The following SUMF1 variants were observed in gnomAD, a reference collection of about 807,000 sequenced individuals.
SUMF1 encodes the protein formylglycine-generating enzyme.
SUMF1 carries 48 observed loss-of-function variants against 47.6 expected under a neutral mutation model. That is an observed-to-expected ratio of 1.01 (90% confidence interval 0.80 to 1.28). The LOEUF is 1.28. Among genes scored for constraint, SUMF1 ranks in the 50% most tolerant of loss-of-function variants. SUMF1 has a pLI of 0.00. For missense variants in SUMF1, 571 were observed against 485.4 expected, an observed-to-expected ratio of 1.18 and a Z score of -1.66; for synonymous variants, 230 against 192.1, an observed-to-expected ratio of 1.20 and a Z score of -1.63.
At chr3:4,092,731 G>T (rs757596588) in intron 8 of SUMF1, among the ~76,000 whole-genome samples, 3 of 152,062 alleles carry the variant, frequency 2.0e-5, no homozygotes, top group African/African-American at 7.3e-5. Context: ...GGGTGGAGTA[G>T]TGTGTCATTT....
intron 8 of SUMF1, among the ~76,000 whole-genome samples, chr3:4,073,359 T>A (rs932094270): frequency 6.6e-6 from 1 of 152,124 alleles, no homozygotes; most frequent in African/African-American, 2.4e-5. Context: ...AAGGAATAAC[T>A]GGTACCAGCC....
chr3:4,444,522 T>C (rs1702713802), intron 3 of SUMF1, among the ~76,000 whole-genome samples: 1 of 152,214 alleles, frequency 6.6e-6, no homozygotes, highest in South Asian at 2.1e-4. Context: ...TATAAATGTT[T>C]GGGAGTTTTA....
At chr3:4,280,820 T>TGC (rs1697513638) in intron 8 of SUMF1, among the ~76,000 whole-genome samples, 2 of 13,862 alleles carry the variant, frequency 1.4e-4, no homozygotes, top group Non-Finnish European at 2.9e-4. Flanking sequence ...TCACCGTGTG[T>TGC]GTGTGTGTGT....
chr3:4,156,823 C>T (rs1416122990), intron 8 of SUMF1, among the ~76,000 whole-genome samples: 1 of 151,704 alleles, frequency 6.6e-6, no homozygotes, highest in East Asian at 1.9e-4. Context: ...GAGTGTATCT[C>T]AGTGAATATT....
At chr3:4,390,850 C>T (rs1007473526) in intron 7 of SUMF1, among the ~76,000 whole-genome samples, 1 of 152,168 alleles carries the variant, frequency 6.6e-6, no homozygotes, top group Non-Finnish European at 1.5e-5. Flanking sequence ...CTGAGGTCTT[C>T]AGCCACTCTG....
chr3:4,234,616 T>C (rs999513606), intron 8 of SUMF1, among the ~76,000 whole-genome samples: 1 of 152,146 alleles, frequency 6.6e-6, no homozygotes, highest in Admixed American at 6.5e-5. Context: ...GCATGATATA[T>C]GCTCCAAAAG....
At chr3:4,254,393 A>C (rs560074748) in intron 8 of SUMF1, among the ~76,000 whole-genome samples, 1 of 151,148 alleles carries the variant, frequency 6.6e-6, no homozygotes, top group South Asian at 2.1e-4. Context: ...GTATAACTAG[A>C]ATAACCAATA....
intron 8 of SUMF1, among the ~76,000 whole-genome samples, chr3:4,328,730 A>C (rs1416251619): frequency 2.6e-5 from 4 of 152,172 alleles, no homozygotes; most frequent in Admixed American, 2.6e-4. Context: ...TCACATTTCA[A>C]AACCAGTCAT....
At chr3:4,344,669 C>T (rs1284277130) in intron 8 of SUMF1, among the ~76,000 whole-genome samples, 1 of 152,042 alleles carries the variant, frequency 6.6e-6, no homozygotes, top group Non-Finnish European at 1.5e-5. Context: ...GGGCGCAGAA[C>T]TGAATGGAGG....
rs1702657072 is a variant in SUMF1, at chr3:4,443,004, G to T, written c.519+6262C>A. 3.3e-5 allele frequency among the ~76,000 whole-genome samples: 5 copies of T among 151,970 alleles called. No individual in the cohort carries two copies. In the South Asian group the frequency reaches 1.0e-3, roughly 32 times the overall value. ...TTTTAAAATGAGGTAGGCCGGGCAT[G>T]GTGGCTCATGTCTGTAATCCTAGCA... On this transcript the variant is annotated intron_variant, in intron 3 of 8. Transcript: ENST00000272902.
intron 8 of SUMF1, among the ~76,000 whole-genome samples, chr3:4,337,016 C>T (rs1298430654): frequency 6.6e-6 from 1 of 152,196 alleles, no homozygotes; most frequent in African/African-American, 2.4e-5. Flanking sequence ...TGCTCTTACC[C>T]TTGCCTTCTT....
chr3:4,344,712 A>G (rs1033849286), intron 8 of SUMF1, among the ~76,000 whole-genome samples: 25 of 152,156 alleles, frequency 1.6e-4, no homozygotes, highest in South Asian at 6.2e-4. Flanking sequence ...AGGCTTCAAA[A>G]GATGGGTAAT....
At chr3:4,121,386 A>T (rs868356910) in intron 8 of SUMF1, among the ~76,000 whole-genome samples, 12 of 152,158 alleles carry the variant, frequency 7.9e-5, no homozygotes, top group Admixed American at 7.2e-4. Flanking sequence ...CTTGGATCTC[A>T]CTTCATCTTC....
chr3:4,380,825 C>T (rs1700480716), intron 7 of SUMF1, among the ~76,000 whole-genome samples: 1 of 152,142 alleles, frequency 6.6e-6, no homozygotes, highest in Non-Finnish European at 1.5e-5. Context: ...AGCTAAAGTT[C>T]TCGGGAAAAG....
At chr3:4,358,349 A>G (rs543944692), downstream of SUMF1, among the ~76,000 whole-genome samples, 2 of 141,498 alleles carry the variant, frequency 1.4e-5, no homozygotes, top group African/African-American at 2.9e-5. Context: ...CTCTAGATGT[A>G]AGAGTTCCTA....
intron 8 of SUMF1, among the ~76,000 whole-genome samples, chr3:4,350,174 T>A (rs777009704): frequency 6.6e-6 from 1 of 151,838 alleles, no homozygotes; most frequent in Non-Finnish European, 1.5e-5. Context: ...CTAATTTTTG[T>A]ATTTTTTTTA....
intron 8 of SUMF1, among the ~76,000 whole-genome samples, chr3:4,251,191 G>A (rs532149220): frequency 9.2e-5 from 14 of 152,128 alleles, no homozygotes; most frequent in Non-Finnish European, 1.3e-4. Flanking sequence ...TCCAAACTTC[G>A]TGGATGATTT....
intron 8 of SUMF1, among the ~76,000 whole-genome samples, chr3:4,098,774 A>G (rs1692963829): frequency 6.6e-6 from 1 of 152,134 alleles, no homozygotes; most frequent in African/African-American, 2.4e-5. Context: ...ATGGTTTCAA[A>G]CCAAAAGGAA....
chr3:4,441,567 C>A (rs1702588767), intron 3 of SUMF1, among the ~76,000 whole-genome samples: 1 of 152,128 alleles, frequency 6.6e-6, no homozygotes, highest in South Asian at 2.1e-4. Context: ...ATAATATCCC[C>A]CCAAAAAACA....
Sources: allele counts gnomAD v4.1 joint callset (sites outside exome capture counted in the v4.1 genomes callset), GRCh38; gene constraint gnomAD v4.1.1; transcripts MANE v1.5; gene names NCBI Gene and HGNC (gene_info 2026-07-23, HGNC 2026-07-21).